The following ZFAT variants were observed in gnomAD, a reference collection of about 807,000 sequenced individuals.
ZFAT encodes zinc finger protein ZFAT.
A neutral mutation model predicts 117.7 loss-of-function variants in ZFAT; 64 were observed. The observed-to-expected ratio is 0.54, with a 90% CI of 0.44 to 0.67. The LOEUF is 0.67. ZFAT is among the 30% of genes least tolerant of loss of function. The probability of loss-of-function intolerance (pLI) is 0.00; values close to 1 mark genes in which losing one functional copy is unlikely to be tolerated. For missense variants in ZFAT, 1,433 were observed against 1,584.5 expected, an observed-to-expected ratio of 0.90 and a Z score of 1.62; for synonymous variants, 679 against 615.0, an observed-to-expected ratio of 1.10 and a Z score of -1.54.
At chr8:134,526,907 G>T (rs1821063218) in intron 12 of ZFAT, among the ~76,000 whole-genome samples, 1 of 151,988 alleles carries the variant, frequency 6.6e-6, no homozygotes, top group African/African-American at 2.4e-5. Flanking sequence ...AAGGCACTGA[G>T]TACAGTAGGC....
At chr8:134,504,140 C>T (rs1277572602) in intron 15 of ZFAT, among the ~76,000 whole-genome samples, 1 of 152,118 alleles carries the variant, frequency 6.6e-6, no homozygotes, top group African/African-American at 2.4e-5. Context: ...GGGGAGTGTC[C>T]TGGCCATTCG....
At chr8:134,505,674 G>A (rs1819354460) in intron 15 of ZFAT, among the ~76,000 whole-genome samples, 1 of 152,128 alleles carries the variant, frequency 6.6e-6, no homozygotes, top group African/African-American at 2.4e-5. Flanking sequence ...CTCTGGGGAT[G>A]GAGGAAGGGA....
chr8:134,614,087 T>C (rs760905149), intron 3 of ZFAT, among the ~76,000 whole-genome samples: 26 of 152,208 alleles, frequency 1.7e-4, no homozygotes, highest in Non-Finnish European at 3.1e-4. Flanking sequence ...AGAGGAACTG[T>C]TTTAAAAATC....
chr8:134,510,809 C>CTTTGTCTTTATT (rs1819772504), intron 14 of ZFAT: 1 of 152,432 alleles, frequency 6.6e-6, no homozygotes, highest in African/African-American at 2.4e-5. Flanking sequence ...AAGCCCTACC[C>CTTTGTCTTTATT]CTTCCCCCTC....
intron 3 of ZFAT, among the ~76,000 whole-genome samples, chr8:134,615,859 A>AGTAAG (rs1828690004): frequency 1.3e-5 from 2 of 152,268 alleles, no homozygotes; most frequent in Non-Finnish European, 2.9e-5. Context: ...CGCACTGAAC[A>AGTAAG]GCCTTGAAAA....
At chr8:134,662,520 C>T (rs558184078) in intron 1 of ZFAT, among the ~76,000 whole-genome samples, 2 of 152,214 alleles carry the variant, frequency 1.3e-5, no homozygotes, top group South Asian at 2.1e-4. Context: ...GCCACAGAGT[C>T]GCACAAGGTG....
chr8:134,738,242 C>A, the ZFAT span, among the ~76,000 whole-genome samples: 132,338 of 151,910 alleles, frequency 0.87, 57,892 homozygotes, highest in Non-Finnish European at 0.89. Context: ...CCCCACCTAG[C>A]CTCCTCTCTC....
At chr8:134,533,095 G>A in intron 11 of ZFAT, 123 bp from the exon 12 acceptor site, 1 of 1,407,960 alleles carries the variant, frequency 7.1e-7, no homozygotes, top group Non-Finnish European at 9.5e-7. Context: ...CATCACCTGT[G>A]ATATGTTCTA....
chr8:134,669,825 A>G (rs1832459433), intron 1 of ZFAT, among the ~76,000 whole-genome samples: 1 of 152,344 alleles, frequency 6.6e-6, no homozygotes, highest in South Asian at 2.1e-4. Flanking sequence ...ATAAAGAGTC[A>G]AGACCCATCA....
chr8:134,714,300 C>G (rs1202571504), upstream of ZFAT, among the ~76,000 whole-genome samples: 4 of 152,182 alleles, frequency 2.6e-5, no homozygotes, highest in African/African-American at 9.7e-5. Flanking sequence ...CATGTTCCCA[C>G]AGCTCTGGTC....
At chr8:134,807,469 G>T in the ZFAT span, among the ~76,000 whole-genome samples, 3 of 152,108 alleles carry the variant, frequency 2.0e-5, no homozygotes, top group Non-Finnish European at 4.4e-5. Context: ...GTAAAATTCT[G>T]AATTGGCCTA....
chr8:134,829,663 TAACC>T, the ZFAT span, among the ~76,000 whole-genome samples: 7 of 152,358 alleles, frequency 4.6e-5, no homozygotes, highest in South Asian at 8.3e-4. Context: ...TCACATAATA[TAACC>T]AACTAGTAAT....
chr8:134,786,426 A>G, the ZFAT span, among the ~76,000 whole-genome samples: 1 of 152,334 alleles, frequency 6.6e-6, no homozygotes, highest in East Asian at 1.9e-4. Context: ...TTATTCATCT[A>G]TTAAGAGGAT....
At chr8:134,561,028 T>TCTCAGA (rs1824010791) in intron 11 of ZFAT, among the ~76,000 whole-genome samples, 11 of 152,264 alleles carry the variant, frequency 7.2e-5, no homozygotes, top group Non-Finnish European at 1.6e-4. Context: ...TCTTTACTAT[T>TCTCAGA]TGTGAATTCT....
At chr8:134,829,911 T>A in the ZFAT span, among the ~76,000 whole-genome samples, 1 of 152,242 alleles carries the variant, frequency 6.6e-6, no homozygotes, top group Non-Finnish European at 1.5e-5. Context: ...TAGAAATGTG[T>A]GTATAGTATT....
intron 9 of ZFAT, among the ~76,000 whole-genome samples, chr8:134,587,366 C>G (rs534123308): frequency 2.3e-4 from 35 of 152,334 alleles, no homozygotes; most frequent in African/African-American, 8.2e-4. Context: ...CCCAATCTGT[C>G]AGTTACGATT....
chr8:134,677,571 G>C (rs996827739), intron 1 of ZFAT, among the ~76,000 whole-genome samples: 1 of 152,036 alleles, frequency 6.6e-6, no homozygotes, highest in African/African-American at 2.4e-5. Context: ...GAAAAAGAGG[G>C]AATCCTCCCT....
At chr8:134,719,870 A>G in the ZFAT span, among the ~76,000 whole-genome samples, 630 of 152,280 alleles carry the variant, frequency 4.1e-3, 4 homozygotes, top group African/African-American at 0.014. Context: ...CAGAAAGGAG[A>G]GGTACCTAGA....
intron 15 of ZFAT, among the ~76,000 whole-genome samples, chr8:134,494,517 A>G (rs1002452058): frequency 7.2e-5 from 11 of 151,992 alleles, no homozygotes; most frequent in Non-Finnish European, 1.3e-4. Context: ...TAATTAAGCA[A>G]TCTGCTTCCA....
Sources: allele counts gnomAD v4.1 joint callset (sites outside exome capture counted in the v4.1 genomes callset), GRCh38; gene constraint gnomAD v4.1.1; transcripts MANE v1.5; gene names NCBI Gene and HGNC (gene_info 2026-07-23, HGNC 2026-07-21).